Variants in ITGA9 observed in about 807,000 individuals in gnomAD.
ITGA9 encodes integrin alpha-9.
Under a neutral mutation model 127.8 loss-of-function variants are expected in ITGA9, and 56 were observed. That is an observed-to-expected ratio of 0.44 (90% CI 0.35 to 0.55). The LOEUF is 0.55. Ranked by LOEUF, ITGA9 falls within the 20% of genes least tolerant of loss-of-function variation. ITGA9 has a pLI of 0.00. For missense variants in ITGA9, 1,196 were observed against 1,347.1 expected (o/e 0.89, Z 1.76); for synonymous variants, 508 against 514.5 (o/e 0.99, Z 0.17).
At chr3:37,756,424 AATC>A (rs1244665957) in intron 23 of ITGA9, among the ~76,000 whole-genome samples, 3 of 152,162 alleles carry the variant, frequency 2.0e-5, no homozygotes, top group Non-Finnish European at 4.4e-5. Flanking sequence ...TCCCCTCAAA[AATC>A]ATCACACAAG....
In ITGA9 at chr3:37,741,773, G is replaced by T. The variant is rs139586026; in HGVS notation, c.2278G>T (p.Val760Leu). 5.1e-5 allele frequency: 82 copies of T among 1,613,726 alleles called. No homozygotes were observed. The highest frequency in any genetic ancestry group is 6.7e-5 in the Non-Finnish European group (79 of 1,179,904). ...RSESLHDNTL[V>L]LMVPLMHEVD... ...TGAATCCCTGCATGACAACACCCTCGTGCTGATGGTGCCACTGATGCACGA... is the reference window on the plus strand; with the variant it reads ...TGAATCCCTGCATGACAACACCCTCTTGCTGATGGTGCCACTGATGCACGA... The change falls in exon 21 of 28, where the codon GTG becomes TTG. Residue 760 changes from valine to leucine, a missense_variant. Physicochemically the swap from Val to Leu is conservative, Grantham distance 32 (BLOSUM62 1). Coordinates refer to ENST00000264741, the MANE Select transcript of ITGA9 (RefSeq NM_002207.3).
At chr3:37,469,790 C>CT (rs1220573049) in intron 1 of ITGA9, among the ~76,000 whole-genome samples, 1 of 152,026 alleles carries the variant, frequency 6.6e-6, no homozygotes, top group East Asian at 1.9e-4. Flanking sequence ...GCATAGAACT[C>CT]TTTTTTTGTT....
intron 16 of ITGA9, among the ~76,000 whole-genome samples, chr3:37,634,708 A>G (rs907236185): frequency 3.9e-5 from 6 of 152,216 alleles, no homozygotes; most frequent in Middle Eastern, 3.2e-3. Flanking sequence ...CAGAAAATCA[A>G]TAAGGAAACA....
intron 15 of ITGA9, among the ~76,000 whole-genome samples, chr3:37,601,236 T>C (rs1699919817): frequency 6.6e-6 from 1 of 152,238 alleles, no homozygotes. Flanking sequence ...TGGAGACTCC[T>C]ATTTCTCCCT....
intron 16 of ITGA9, among the ~76,000 whole-genome samples, chr3:37,645,421 A>G (rs1700367750): frequency 6.6e-6 from 1 of 152,178 alleles, no homozygotes; most frequent in Non-Finnish European, 1.5e-5. Context: ...CACAAAAATT[A>G]GCGGGGCATG....
chr3:37,523,314 C>T (rs571944069), intron 11 of ITGA9, among the ~76,000 whole-genome samples: 3 of 152,098 alleles, frequency 2.0e-5, no homozygotes, highest in South Asian at 2.1e-4. Flanking sequence ...TAAATGATGA[C>T]GTTTGGCCAA....
intron 15 of ITGA9, among the ~76,000 whole-genome samples, chr3:37,554,038 G>T (rs1699406026): frequency 6.6e-6 from 1 of 152,222 alleles, no homozygotes; most frequent in Admixed American, 6.5e-5. Context: ...CCGTAGGCTG[G>T]GGGGCCCTCA....
chr3:37,681,149 A>G (rs1700730997), intron 17 of ITGA9, among the ~76,000 whole-genome samples: 1 of 152,194 alleles, frequency 6.6e-6, no homozygotes, highest in African/African-American at 2.4e-5. Context: ...CTTCTTTTGC[A>G]TGGTGTATTA....
chr3:37,465,212 C>G (rs1199712638), intron 1 of ITGA9, among the ~76,000 whole-genome samples: 2 of 152,156 alleles, frequency 1.3e-5, no homozygotes, highest in Admixed American at 1.3e-4. Flanking sequence ...GAGGCAGCTG[C>G]GGCTCAGTCC....
intron 15 of ITGA9, chr3:37,585,649 G>T (rs2125612170): frequency 1.9e-6 from 1 of 516,226 alleles, no homozygotes; most frequent in Middle Eastern, 3.2e-4. Context: ...AAGAATGTTT[G>T]TGGCTAAAGA....
rs144446897 is a variant in ITGA9, at chr3:37,669,370, G to A, written c.1917-14495G>A. Among the ~76,000 whole-genome samples, 226 of 152,332 alleles carry A rather than the reference G, an allele frequency of 1.5e-3. 1 individual carries two copies. The highest frequency in any genetic ancestry group is 6.8e-3 in the Middle Eastern group (2 of 294). ...GCTGCACAGCTCCCCTTGGTGTCTGGTTGAGGCTAGATTCCCCCTGTGCCC... is the reference window on the plus strand; with the variant it reads ...GCTGCACAGCTCCCCTTGGTGTCTGATTGAGGCTAGATTCCCCCTGTGCCC... On this transcript the variant is annotated intron_variant, in intron 17 of 27. Transcript: ENST00000264741.
At chr3:37,550,350 A>G (rs1389670723) in intron 15 of ITGA9, among the ~76,000 whole-genome samples, 1 of 152,224 alleles carries the variant, frequency 6.6e-6, no homozygotes, top group East Asian at 1.9e-4. Flanking sequence ...CCTCTTCATA[A>G]TAGAGTCCTG....
At chr3:37,751,767 G>A (rs1475172263) in intron 23 of ITGA9, among the ~76,000 whole-genome samples, 3 of 152,086 alleles carry the variant, frequency 2.0e-5, no homozygotes, top group African/African-American at 7.2e-5. Flanking sequence ...CAAGTGGTGT[G>A]AGCTGGCTGC....
intron 23 of ITGA9, among the ~76,000 whole-genome samples, chr3:37,756,347 G>T: frequency 6.6e-6 from 1 of 152,128 alleles, no homozygotes; most frequent in Non-Finnish European, 1.5e-5. Flanking sequence ...CAACAACACA[G>T]CTTTAACCAT....
intron 25 of ITGA9, among the ~76,000 whole-genome samples, chr3:37,783,440 C>CA (rs1697002216): frequency 6.6e-6 from 1 of 152,122 alleles, no homozygotes; most frequent in African/African-American, 2.4e-5. Flanking sequence ...CTCCTGGGCT[C>CA]AAGTGATCTT....
At chr3:37,620,697 T>C (rs1700119435) in intron 15 of ITGA9, among the ~76,000 whole-genome samples, 1 of 152,166 alleles carries the variant, frequency 6.6e-6, no homozygotes, top group African/African-American at 2.4e-5. Context: ...TAGTGTTTAT[T>C]AGACCTCCAT....
At chr3:37,777,861 C>T (rs897260276) in intron 24 of ITGA9, among the ~76,000 whole-genome samples, 1 of 152,192 alleles carries the variant, frequency 6.6e-6, no homozygotes, top group Admixed American at 6.5e-5. Context: ...CGTGTGTATC[C>T]TATGACACAG....
intron 15 of ITGA9, among the ~76,000 whole-genome samples, chr3:37,583,443 C>G (rs568181631): frequency 1.1e-3 from 160 of 152,128 alleles, no homozygotes; most frequent in Non-Finnish European, 2.0e-3. Context: ...AATGTATTTT[C>G]TGTTGAGGGT....
chr3:37,779,629 C>A lies in ITGA9; in HGVS notation c.2668-273C>A, dbSNP rs557119205. Among the ~76,000 whole-genome samples, 4 of 152,206 alleles carry A rather than the reference C, an allele frequency of 2.6e-5. No individual in the cohort carries two copies. In the East Asian group the frequency reaches 7.7e-4, roughly 29 times the overall value. ...GGTTTAAAAAAAAAAACAATTATTTCTCTTTGTGAATTCATCCAATTCTTG... is the reference window on the plus strand; with the variant it reads ...GGTTTAAAAAAAAAAACAATTATTTATCTTTGTGAATTCATCCAATTCTTG... On this transcript the variant is annotated intron_variant, in intron 24 of 27. Transcript: ENST00000264741.
Sources: gnomAD v4.1 joint callset for allele counts (sites outside exome capture counted in the v4.1 genomes callset) on GRCh38, gnomAD v4.1.1 for gene constraint, MANE v1.5 for transcripts, NCBI Gene and HGNC (gene_info 2026-07-23, HGNC 2026-07-21) for gene names.